Variants in DNAH5 observed in about 807,000 individuals in gnomAD.
DNAH5 encodes dynein axonemal heavy chain 5.
DNAH5 carries 372 observed loss-of-function variants against 518.2 expected under a neutral mutation model. The observed-to-expected ratio is 0.72, with a 90% confidence interval of 0.66 to 0.78. DNAH5 has a LOEUF of 0.78. Ranked by LOEUF, DNAH5 falls within the 30% of genes least tolerant of loss-of-function variation. The pLI is 0.00. For synonymous variants in DNAH5, 2,039 were observed against 2,025.9 expected, an observed-to-expected ratio of 1.01 and a Z score of -0.17; for missense variants, 5,523 against 5,687.0, an observed-to-expected ratio of 0.97 and a Z score of 0.93.
At chr5:13,890,917 C>T in intron 17 of DNAH5, 59 bp downstream of exon 17, 2 of 1,603,398 alleles carry the variant, frequency 1.2e-6, no homozygotes. Context: ...AAAAAGTGAC[C>T]TTTATAGGAA....
At chr5:13,800,207 T>G (rs970926678) in intron 47 of DNAH5, among the ~76,000 whole-genome samples, 1 of 152,308 alleles carries the variant, frequency 6.6e-6, no homozygotes, top group African/African-American at 2.4e-5. Context: ...GTTTTGGATT[T>G]TGGAGCAACT....
At chr5:13,787,193 G>T (rs1183783903) in intron 51 of DNAH5, among the ~76,000 whole-genome samples, 3 of 142,426 alleles carry the variant, frequency 2.1e-5, no homozygotes, top group African/African-American at 7.8e-5. Flanking sequence ...AACAGAGCGA[G>T]ACTCTGTTTC....
intron 18 of DNAH5, 110 bp from the exon 19 acceptor site, chr5:13,885,338 A>C: frequency 7.5e-7 from 1 of 1,339,246 alleles, no homozygotes; most frequent in Non-Finnish European, 1.0e-6. Context: ...TTAAAGGATA[A>C]ATTACATGCA....
At chr5:13,762,934 C>G in intron 59 of DNAH5, 33 bp from the exon 60 acceptor site, 1 of 1,562,846 alleles carries the variant, frequency 6.4e-7, no homozygotes, top group Non-Finnish European at 8.8e-7. Context: ...AAAGTCGAAA[C>G]ACTTCTTTCC....
chr5:13,713,124 T>TATATATATATATACACAC (rs1554018603), intron 75 of DNAH5, among the ~76,000 whole-genome samples: 1 of 146,562 alleles, frequency 6.8e-6, no homozygotes, highest in African/African-American at 2.6e-5. Flanking sequence ...TATATATATA[T>TATATATATATATACACAC]ACACACACAC....
At chr5:13,820,577 C>A (rs1045329818) in intron 40 of DNAH5, 78 bp from the exon 41 acceptor site, 13 of 1,552,636 alleles carry the variant, frequency 8.4e-6, no homozygotes, top group Admixed American at 1.7e-5. Context: ...GTAATCCCAA[C>A]AATTTGGGAG....
rs757118886 is a variant in DNAH5, at chr5:13,737,409, G to A, written c.11298C>T (p.Tyr3766=). ...RMKELEDNLL[Y]RLTSTQGSLV... ...GGGACCCCTGGGTACTTGTCAGGCGGTAAAGCAAGTTATCTTCTAGTTCCT... is the reference window on the plus strand; with the variant it reads ...GGGACCCCTGGGTACTTGTCAGGCGATAAAGCAAGTTATCTTCTAGTTCCT... The change falls in exon 66 of 79, where the codon TAC becomes TAT. Residue 3766 remains tyrosine, a synonymous_variant. Transcript: ENST00000265104. The A allele has an allele frequency of 3.8e-5, 61 of 1,614,030 alleles. No individual in the cohort carries two copies. In the South Asian group the frequency reaches 6.0e-4, roughly 16 times the overall value.
intron 65 of DNAH5, among the ~76,000 whole-genome samples, chr5:13,743,177 T>C (rs1190666612): frequency 1.3e-5 from 2 of 152,038 alleles, no homozygotes; most frequent in African/African-American, 4.8e-5. Context: ...AGCAGGCAGA[T>C]AGATATATTG....
At chr5:13,774,043 T>C (rs1307370523) in intron 55 of DNAH5, among the ~76,000 whole-genome samples, 1 of 152,150 alleles carries the variant, frequency 6.6e-6, no homozygotes, top group Non-Finnish European at 1.5e-5. Flanking sequence ...CTAAAGGTTG[T>C]GATTTTTCCT....
intron 76 of DNAH5, 74 bp from the exon 77 acceptor site, chr5:13,701,510 A>G: frequency 1.4e-6 from 1 of 721,372 alleles, no homozygotes; most frequent in Non-Finnish European, 1.9e-6. Flanking sequence ...TGTTCACTGA[A>G]AAAAAAAAAA....
chr5:13,701,189 TTC>T, intron 77 of DNAH5, 93 bp downstream of exon 77: 1 of 1,520,648 alleles, frequency 6.6e-7, no homozygotes, highest in Middle Eastern at 1.7e-4. Flanking sequence ...GAGACAGTCA[TTC>T]TCTGTCTTAT....
At chr5:13,712,995 T>C (rs1743707899) in intron 75 of DNAH5, among the ~76,000 whole-genome samples, 1 of 151,830 alleles carries the variant, frequency 6.6e-6, no homozygotes, top group Non-Finnish European at 1.5e-5. Flanking sequence ...TAAGTCATTC[T>C]ACAAAAAAGA....
rs1760390814 is a variant in DNAH5, at chr5:13,810,119, C to T, written c.7549G>A (p.Glu2517Lys). Reference protein sequence around the residue: ...WLRSRPTGTLELPPPAGPGDT... With the variant: ...WLRSRPTGTLKLPPPAGPGDT... ...CCGGGCCCCGCTGGCGGCGGCAGCT[C>T]CAGCGTCCCTGTGGGCCGAGAGCGC... Residue 2517 changes from glutamate (E) to lysine (K), a missense_variant, in exon 45 of 79, where the codon GAG becomes AAG. Glu to Lys is a moderately conservative substitution (Grantham distance 56, BLOSUM62 1). This residue lies in a region of DNAH5 where 5,121 missense variants were observed against 5,223.3 expected (regional missense o/e 0.98). Coordinates refer to ENST00000265104, the MANE Select transcript of DNAH5 (RefSeq NM_001369.3). 1 of 1,550,680 alleles carries T rather than the reference C, an allele frequency of 6.4e-7. No individual in the cohort carries two copies. The highest frequency in any genetic ancestry group is 1.2e-5 in the South Asian group (1 of 84,076).
chr5:13,728,545 T>C (rs557728654), intron 69 of DNAH5, among the ~76,000 whole-genome samples: 1 of 152,304 alleles, frequency 6.6e-6, no homozygotes, highest in South Asian at 2.1e-4. Context: ...TCAATATCAA[T>C]GGTCTAGGCA....
intron 1 of DNAH5, among the ~76,000 whole-genome samples, chr5:13,988,727 C>CTTTTTTTT (rs528130556): frequency 0.022 from 2,828 of 126,492 alleles, 185 homozygotes; most frequent in African/African-American, 0.078. Context: ...CAGCCCAAAT[C>CTTTTTTTT]TTTTTTTTTT....
intron 30 of DNAH5, among the ~76,000 whole-genome samples, chr5:13,853,704 G>GCA (rs1767212721): frequency 6.6e-6 from 1 of 151,828 alleles, no homozygotes; most frequent in Admixed American, 6.6e-5. Context: ...GAAAAACACA[G>GCA]CACAAGAATT....
At position 13,882,980 on chromosome 5, in the gene DNAH5, G is replaced by T. The variant is rs762101328; in HGVS notation, c.3098C>A (p.Thr1033Asn). The T allele has an allele frequency of 6.8e-5, 110 of 1,614,002 alleles. 2 individuals carry two copies. In the South Asian group the frequency reaches 1.1e-3, roughly 16 times the overall value. ...MAPALEDVQQ[T>N]LNKAVECIIS... ...GATGCACTCCACGGCTTTGTTCAGG[G>T]TCTGCTGTACATCTTCCAGGGCAGG... The change falls in exon 20 of 79, where the codon ACC becomes AAC. Residue 1033 changes from threonine to asparagine, a missense_variant. Thr to Asn is a moderately conservative substitution (Grantham distance 65, BLOSUM62 0). Around this residue, in one of 3 missense-constraint regions of DNAH5, gnomAD observed 5,121 missense variants for 5,223.3 expected, o/e 0.98. Coordinates refer to ENST00000265104, the MANE Select transcript of DNAH5 (RefSeq NM_001369.3).
chr5:13,910,602 C>G (rs12656560), intron 12 of DNAH5, among the ~76,000 whole-genome samples: 91,494 of 151,996 alleles, frequency 0.6, 28,677 homozygotes, highest in East Asian at 0.85. Context: ...GAAAATGTCC[C>G]CATATTCATT....
In DNAH5 at chr5:13,820,386, C is replaced by G. The variant is rs749945616; in HGVS notation, c.6801G>C (p.Gly2267=). 3.1e-6 allele frequency: 5 copies of G among 1,613,154 alleles called. No homozygotes were observed. The South Asian group carries it at 5.5e-5, about 18-fold the overall frequency. Residue 2267 remains glycine, a synonymous_variant, in exon 41 of 79, where the codon GGG becomes GGC. Coordinates refer to ENST00000265104, the MANE Select transcript of DNAH5 (RefSeq NM_001369.3). ...TCAAGGTGTGGATGCAGGTGGTCTT[C>G]CCAGCCCCACTGGGCCCCAGAGTCA... ...GMMTLGPSGA[G]KTTCIHTLMR... is the part of the protein sequence containing the mutation.
Sources: gnomAD v4.1 joint callset for allele counts (sites outside exome capture counted in the v4.1 genomes callset) on GRCh38, gnomAD v4.1.1 for gene constraint, gnomAD v4.1.1 regional missense constraint, MANE v1.5 for transcripts, NCBI Gene and HGNC (gene_info 2026-07-23, HGNC 2026-07-21) for gene names.